The following ACBD6 variants were observed in gnomAD, a reference collection of about 807,000 sequenced individuals.
The protein encoded by ACBD6 is acyl-CoA binding domain containing 6, also known as acyl-CoA-binding domain-containing protein 6.
ACBD6 carries 28 observed loss-of-function variants against 37.2 expected under a neutral mutation model. The observed-to-expected ratio is 0.75, with a 90% CI of 0.56 to 1.03. ACBD6 has a LOEUF of 1.03. ACBD6 is among the 50% of genes least tolerant of loss of function. ACBD6 has a pLI of 0.00. For missense variants in ACBD6, 340 were observed against 337.4 expected (o/e 1.01, Z -0.06); for synonymous variants, 113 against 126.8 (o/e 0.89, Z 0.73).
At chr1:180,279,178 G>GAAGT (rs906041679) in intron 9 of ACBD6, among the ~76,000 whole-genome samples, 40 of 152,326 alleles carry the variant, frequency 2.6e-4, no homozygotes, top group African/African-American at 9.1e-4. Context: ...CTGATTAGAG[G>GAAGT]AAGTTCCCTG....
intron 4 of ACBD6, 36 bp from the exon 5 acceptor site, chr1:180,413,507 G>A: frequency 7.1e-7 from 1 of 1,416,512 alleles, no homozygotes; most frequent in Non-Finnish European, 9.9e-7. Flanking sequence ...TTTTTACTGG[G>A]TAATACATTA....
intron 5 of ACBD6, among the ~76,000 whole-genome samples, chr1:180,408,600 A>C (rs924739136): frequency 2.0e-5 from 3 of 152,256 alleles, no homozygotes; most frequent in Admixed American, 6.5e-5. Flanking sequence ...GCACACCAGC[A>C]TGGCACATGT....
intron 7 of ACBD6, among the ~76,000 whole-genome samples, chr1:180,293,927 C>T (rs1649813381): frequency 6.6e-6 from 1 of 151,870 alleles, no homozygotes. Context: ...TGAAGTCTGG[C>T]TCTGTTGCCC....
At chr1:180,419,674 TTG>T (rs555494997) in intron 4 of ACBD6, among the ~76,000 whole-genome samples, 153 of 152,328 alleles carry the variant, frequency 1.0e-3, no homozygotes, top group African/African-American at 3.2e-3. Flanking sequence ...AAATTTTTAT[TTG>T]TGTTATATAG....
At chr1:180,352,918 G>C (rs1558262786) in intron 6 of ACBD6, among the ~76,000 whole-genome samples, 1 of 152,170 alleles carries the variant, frequency 6.6e-6, no homozygotes, top group Non-Finnish European at 1.5e-5. Context: ...CTTGTTCGTG[G>C]TATGTCAAGC....
intron 3 of ACBD6, among the ~76,000 whole-genome samples, chr1:180,459,670 T>C (rs1357575020): frequency 6.6e-6 from 1 of 152,238 alleles, no homozygotes; most frequent in East Asian, 1.9e-4. Context: ...GTCAAGTTTC[T>C]CAAATTCCAT....
At chr1:180,331,888 A>G (rs1474035291) in intron 6 of ACBD6, among the ~76,000 whole-genome samples, 2 of 152,234 alleles carry the variant, frequency 1.3e-5, no homozygotes, top group Admixed American at 1.3e-4. Context: ...CTCATCCTCT[A>G]TATTGAATCC....
At chr1:180,426,761 A>G (rs1320033783) in intron 4 of ACBD6, among the ~76,000 whole-genome samples, 1 of 152,198 alleles carries the variant, frequency 6.6e-6, no homozygotes, top group Non-Finnish European at 1.5e-5. Flanking sequence ...TGCACCAGGT[A>G]CTGTTCGAGG....
intron 4 of ACBD6, among the ~76,000 whole-genome samples, chr1:180,418,820 T>G (rs1648208339): frequency 6.6e-6 from 1 of 152,234 alleles, no homozygotes; most frequent in African/African-American, 2.4e-5. Flanking sequence ...TTGCAAATAG[T>G]ACCTCCTTTC....
At chr1:180,293,320 A>G (rs1649790813) in intron 7 of ACBD6, among the ~76,000 whole-genome samples, 2 of 143,506 alleles carry the variant, frequency 1.4e-5, no homozygotes, top group South Asian at 2.2e-4. Context: ...TTTTTTTGAG[A>G]CAAAGTCTCA....
chr1:180,357,370 G>A (rs1244846854), intron 6 of ACBD6, among the ~76,000 whole-genome samples: 1 of 152,144 alleles, frequency 6.6e-6, no homozygotes, highest in Non-Finnish European at 1.5e-5. Context: ...AATAAGTAAA[G>A]AAACGGTAAG....
At chr1:180,480,499 G>A (rs1284924593) in intron 3 of ACBD6, among the ~76,000 whole-genome samples, 1 of 152,162 alleles carries the variant, frequency 6.6e-6, no homozygotes, top group Non-Finnish European at 1.5e-5. Context: ...AAGGAAAGAA[G>A]CAGAAGAAAG....
At chr1:180,479,709 C>T (rs562705339) in intron 3 of ACBD6, among the ~76,000 whole-genome samples, 52 of 152,224 alleles carry the variant, frequency 3.4e-4, no homozygotes, top group Non-Finnish European at 6.9e-4. Context: ...TAGGAAAATA[C>T]AAGCAGTATG....
intron 3 of ACBD6, among the ~76,000 whole-genome samples, chr1:180,430,705 TA>T (rs11422663): frequency 0.043 from 6,042 of 140,876 alleles, 302 homozygotes; most frequent in African/African-American, 0.12. Flanking sequence ...GTTTTTGGGT[TA>T]AAAAAAAAAA....
chr1:180,368,674 C>T (rs180959394), intron 6 of ACBD6, among the ~76,000 whole-genome samples: 2 of 151,508 alleles, frequency 1.3e-5, no homozygotes, highest in African/African-American at 4.9e-5. Context: ...CCAGTGAATG[C>T]CTGAATGGTG....
At chr1:180,399,326 T>C (rs563817519) in intron 5 of ACBD6, among the ~76,000 whole-genome samples, 13 of 152,330 alleles carry the variant, frequency 8.5e-5, no homozygotes, top group African/African-American at 3.1e-4. Flanking sequence ...TGGAGTGCAG[T>C]GGCGGGATCT....
At chr1:180,341,224 T>A (rs967063273) in intron 6 of ACBD6, among the ~76,000 whole-genome samples, 1 of 152,180 alleles carries the variant, frequency 6.6e-6, no homozygotes, top group Non-Finnish European at 1.5e-5. Flanking sequence ...AAACAACCTA[T>A]ATATCTTAAC....
rs769183650 is a variant in ACBD6, at chr1:180,274,626, T to A, written c.*936+25A>T. ...CCTGCCCCCCTGGCTTGAGAGAATA[T>A]CTTCAAGGATCAAAAGAGACTTGCC... is the stretch of plus-strand genomic sequence containing the variant. On this transcript the variant is annotated intron_variant, in intron 10 of 13. Transcript: ENST00000642319. 3.4e-5 allele frequency: 51 copies of A among 1,501,916 alleles called. 1 individual carries two copies. The highest frequency in any genetic ancestry group is 3.6e-4 in the Middle Eastern group (2 of 5,528). 93.0% of individuals were successfully genotyped at this position (1,501,916 alleles called of 1,614,324 possible).
intron 6 of ACBD6, among the ~76,000 whole-genome samples, chr1:180,343,027 T>C (rs1322907452): frequency 6.6e-6 from 1 of 152,086 alleles, no homozygotes. Context: ...TTAATCAATA[T>C]GAAGTTGTTA....
Sources: gnomAD v4.1 joint callset for allele counts (sites outside exome capture counted in the v4.1 genomes callset) on GRCh38, gnomAD v4.1.1 for gene constraint, MANE v1.5 for transcripts, NCBI Gene and HGNC (gene_info 2026-07-23, HGNC 2026-07-21) for gene names.